Variants in COL24A1 observed in about 807,000 individuals in gnomAD.
COL24A1 encodes the protein collagen alpha-1(XXIV) chain.
COL24A1 carries 224 observed loss-of-function variants against 253.9 expected under a neutral mutation model. The observed-to-expected ratio is 0.88, with a 90% CI of 0.79 to 0.99. COL24A1 has a LOEUF of 0.99. COL24A1 is among the 50% of genes least tolerant of loss of function. COL24A1 has a pLI of 0.00. For missense variants in COL24A1, 2,131 were observed against 2,068.5 expected (o/e 1.03, Z -0.59); for synonymous variants, 685 against 673.7 (o/e 1.02, Z -0.26).
At chr1:86,113,531 A>G (rs1026261204) in intron 4 of COL24A1, among the ~76,000 whole-genome samples, 1 of 152,186 alleles carries the variant, frequency 6.6e-6, no homozygotes, top group Non-Finnish European at 1.5e-5. Context: ...GATGAAAACT[A>G]AAGAAAAAAG....
At chr1:85,771,708 A>G (rs562332882) in intron 53 of COL24A1, among the ~76,000 whole-genome samples, 46 of 151,936 alleles carry the variant, frequency 3.0e-4, no homozygotes, top group Middle Eastern at 3.4e-3. Flanking sequence ...ACTAATTTAC[A>G]CTCCCTCCAA....
chr1:86,087,417 A>G (rs1703142138), intron 7 of COL24A1, among the ~76,000 whole-genome samples: 1 of 152,184 alleles, frequency 6.6e-6, no homozygotes, highest in African/African-American at 2.4e-5. Context: ...TAAAATGATA[A>G]TCTGCTCTAA....
At chr1:85,807,947 A>G (rs1168881198) in intron 47 of COL24A1, among the ~76,000 whole-genome samples, 4 of 152,200 alleles carry the variant, frequency 2.6e-5, no homozygotes, top group Non-Finnish European at 2.9e-5. Context: ...CAAGTGATAA[A>G]TGGAGTTTTC....
intron 3 of COL24A1, among the ~76,000 whole-genome samples, chr1:86,117,734 T>A (rs1350711460): frequency 6.6e-6 from 1 of 152,220 alleles, no homozygotes; most frequent in Non-Finnish European, 1.5e-5. Flanking sequence ...TTTTTGAGAA[T>A]AAATTATTTT....
At chr1:85,996,496 C>CGAAACCCCGTCTCTGCTAAAA (rs1553253949) in intron 19 of COL24A1, among the ~76,000 whole-genome samples, 70 of 150,526 alleles carry the variant, frequency 4.7e-4, no homozygotes, top group Middle Eastern at 3.4e-3. Flanking sequence ...ACCAACATGG[C>CGAAACCCCGTCTCTGCTAAAA]ATGGTGGTGG....
intron 48 of COL24A1, among the ~76,000 whole-genome samples, chr1:85,784,664 G>A (rs781672687): frequency 6.6e-6 from 1 of 152,054 alleles, no homozygotes; most frequent in South Asian, 2.1e-4. Flanking sequence ...GCTTGAGAGG[G>A]GATAGTGAGG....
chr1:85,906,173 G>A (rs997719601), intron 28 of COL24A1, among the ~76,000 whole-genome samples: 2 of 148,124 alleles, frequency 1.4e-5, no homozygotes, highest in African/African-American at 2.5e-5. Context: ...AAGCTTCACC[G>A]AAAACACAGG....
intron 31 of COL24A1, among the ~76,000 whole-genome samples, chr1:85,893,724 C>A (rs763220370): frequency 3.9e-5 from 6 of 152,104 alleles, no homozygotes; most frequent in Non-Finnish European, 8.8e-5. Context: ...CATTTAATTC[C>A]TGGCTTAAAA....
At chr1:86,044,362 C>T (rs1699739747) in intron 12 of COL24A1, among the ~76,000 whole-genome samples, 1 of 152,006 alleles carries the variant, frequency 6.6e-6, no homozygotes, top group Non-Finnish European at 1.5e-5. Flanking sequence ...GTATTTTATT[C>T]TAAGTATTCA....
In COL24A1 at chr1:85,823,687, G is replaced by A. The variant is rs1461111721; in HGVS notation, c.3733C>T (p.Pro1245Ser). The change falls in exon 44 of 60, where the codon CCA (proline) becomes TCA (serine). Residue 1245 changes from proline (P) to serine (S), a missense_variant and splice_region_variant. Coordinates refer to ENST00000370571, the MANE Select transcript of COL24A1 (RefSeq NM_152890.7). Reference sequence around the variant, plus strand: ...GAAATAATGCTTTCAAAACATACTGGGGGTCCTTGTTGTCCAGTGGCACCT... The same window carrying A: ...GAAATAATGCTTTCAAAACATACTGAGGGTCCTTGTTGTCCAGTGGCACCT... Reference protein sequence around the residue: ...LRGATGQQGPPGEPGDQGEQG... With the variant: ...LRGATGQQGPSGEPGDQGEQG... 2 of 1,613,594 alleles carry A rather than the reference G, an allele frequency of 1.2e-6. No individual in the cohort carries two copies. Among genetic ancestry groups the A allele is most frequent in the African/African-American group, 2.7e-5 (2 of 74,860 alleles).
At chr1:86,028,728 A>G (rs145265875) in intron 14 of COL24A1, among the ~76,000 whole-genome samples, 2 of 152,334 alleles carry the variant, frequency 1.3e-5, no homozygotes, top group East Asian at 1.9e-4. Flanking sequence ...AGGTGAATGG[A>G]GAAAGAGAAA....
intron 22 of COL24A1, among the ~76,000 whole-genome samples, chr1:85,968,516 C>A (rs1486616846): frequency 6.6e-6 from 1 of 152,076 alleles, no homozygotes; most frequent in Non-Finnish European, 1.5e-5. Flanking sequence ...CATTTCCTAA[C>A]AAGCAAAAAG....
At chr1:86,133,070 A>G (rs1380707014) in intron 2 of COL24A1, among the ~76,000 whole-genome samples, 3 of 152,074 alleles carry the variant, frequency 2.0e-5, no homozygotes, top group Non-Finnish European at 4.4e-5. Flanking sequence ...GGTCCTTCGC[A>G]TCCCTTGTAA....
chr1:85,874,344 G>A (rs1319376147), intron 35 of COL24A1, among the ~76,000 whole-genome samples: 1 of 152,058 alleles, frequency 6.6e-6, no homozygotes, highest in Non-Finnish European at 1.5e-5. Context: ...ACTGGTATTT[G>A]TGAATTTCTT....
At chr1:85,835,447 G>T (rs1675895969) in intron 43 of COL24A1, among the ~76,000 whole-genome samples, 1 of 152,038 alleles carries the variant, frequency 6.6e-6, no homozygotes, top group African/African-American at 2.4e-5. Flanking sequence ...ACAGTTTTTA[G>T]AAATGTTATC....
intron 43 of COL24A1, among the ~76,000 whole-genome samples, chr1:85,834,309 A>G (rs1675750567): frequency 6.6e-6 from 1 of 151,864 alleles, no homozygotes; most frequent in Admixed American, 6.6e-5. Flanking sequence ...AGAGATTGAG[A>G]GAGAGACAGA....
chr1:85,769,287 A>T (rs933852724), intron 53 of COL24A1, among the ~76,000 whole-genome samples: 4 of 152,232 alleles, frequency 2.6e-5, no homozygotes, highest in African/African-American at 9.6e-5. Context: ...GAGGAAAAAT[A>T]TAATAACAAC....
chr1:85,757,259 T>C (rs540207978), intron 55 of COL24A1, among the ~76,000 whole-genome samples: 5 of 152,334 alleles, frequency 3.3e-5, no homozygotes, highest in African/African-American at 1.2e-4. Flanking sequence ...ATATGCTCAT[T>C]ATCCCTTAGA....
intron 7 of COL24A1, among the ~76,000 whole-genome samples, chr1:86,088,501 T>C (rs1029902421): frequency 6.6e-6 from 1 of 151,706 alleles, no homozygotes; most frequent in African/African-American, 2.4e-5. Flanking sequence ...AAAGAAGTTA[T>C]ACTTCTGTTA....
Sources: allele counts gnomAD v4.1 joint callset (sites outside exome capture counted in the v4.1 genomes callset), GRCh38; gene constraint gnomAD v4.1.1; transcripts MANE v1.5; gene names NCBI Gene and HGNC (gene_info 2026-07-23, HGNC 2026-07-21).